Variants in DRD2 observed in about 807,000 individuals in gnomAD.
DRD2 encodes dopamine receptor D2, also known as D(2) dopamine receptor.
In DRD2, 8 loss-of-function variants were observed where a neutral mutation model predicts 38.0. The observed-to-expected ratio is 0.21, with a 90% confidence interval of 0.12 to 0.38. DRD2 has a LOEUF of 0.38. DRD2 is among the 10% of genes least tolerant of loss of function. The probability of loss-of-function intolerance (pLI) is 1.00; values close to 1 mark genes in which losing one functional copy is unlikely to be tolerated. For missense variants in DRD2, 403 were observed against 607.7 expected, an observed-to-expected ratio of 0.66 and a Z score of 3.54; for synonymous variants, 230 against 238.6, an observed-to-expected ratio of 0.96 and a Z score of 0.33.
intron 1 of DRD2, among the ~76,000 whole-genome samples, chr11:113,463,941 T>A (rs748983618): frequency 1.3e-5 from 2 of 152,120 alleles, no homozygotes; most frequent in African/African-American, 2.4e-5. Context: ...GTTAACCTTA[T>A]AAGTTAAGGG....
intron 1 of DRD2, among the ~76,000 whole-genome samples, chr11:113,446,693 C>T (rs529346478): frequency 6.6e-6 from 1 of 152,328 alleles, no homozygotes; most frequent in South Asian, 2.1e-4. Flanking sequence ...TGCTAAGCCT[C>T]ATAATAATCC....
intron 1 of DRD2, among the ~76,000 whole-genome samples, chr11:113,472,519 C>G (rs1270919007): frequency 6.6e-6 from 1 of 152,158 alleles, no homozygotes; most frequent in African/African-American, 2.4e-5. Flanking sequence ...AGAAATAATC[C>G]ACCTTTGTAG....
At position 113,417,146 on chromosome 11, in the gene DRD2, T is replaced by A. The variant is rs1363395640; in HGVS notation, c.396-147A>T. The A allele has an allele frequency of 5.1e-6, 6 of 1,179,164 alleles. No homozygotes were observed. In the East Asian group the frequency reaches 1.6e-4, roughly 30 times the overall value. 73.0% of individuals were successfully genotyped at this position (1,179,164 alleles called of 1,614,324 possible). On this transcript the variant is annotated intron_variant, in intron 3 of 7. Transcript: ENST00000362072. ...CTTGCCTGAGATGCTAACTCAACCC[T>A]CCCTCCTGTCCCCAAACTCAGATGG...
intron 1 of DRD2, among the ~76,000 whole-genome samples, chr11:113,452,743 G>A (rs536084435): frequency 4.0e-4 from 61 of 151,430 alleles, no homozygotes; most frequent in Admixed American, 9.9e-4. Context: ...CTCCTCCTGG[G>A]TTCAAGCAAT....
At chr11:113,456,161 G>A (rs1237632504) in intron 1 of DRD2, among the ~76,000 whole-genome samples, 5 of 152,170 alleles carry the variant, frequency 3.3e-5, no homozygotes, top group Admixed American at 2.0e-4. Flanking sequence ...GAATCTAGGG[G>A]ACATTACACT....
intron 1 of DRD2, among the ~76,000 whole-genome samples, chr11:113,469,193 G>A (rs1177071970): frequency 2.0e-5 from 3 of 151,866 alleles, no homozygotes; most frequent in Non-Finnish European, 4.4e-5. Context: ...TGCTCCTGCC[G>A]CCCTCCCTCC....
intron 1 of DRD2, among the ~76,000 whole-genome samples, chr11:113,466,743 A>C (rs2119989301): frequency 6.6e-6 from 1 of 152,246 alleles, no homozygotes; most frequent in African/African-American, 2.4e-5. Flanking sequence ...TTATCCACTC[A>C]CCCACTCTCA....
chr11:113,448,743 T>C (rs149550442), intron 1 of DRD2, among the ~76,000 whole-genome samples: 8 of 151,924 alleles, frequency 5.3e-5, no homozygotes, highest in Non-Finnish European at 1.0e-4. Context: ...TTCCCTAGAG[T>C]GGAAAGGATT....
chr11:113,418,161 T>A, intron 2 of DRD2, 25 bp from the exon 3 acceptor site: 1 of 1,589,672 alleles, frequency 6.3e-7, no homozygotes, highest in Non-Finnish European at 8.6e-7. Flanking sequence ...ACATAATGGA[T>A]GGACAGCAGG....
At chr11:113,467,225 G>C (rs540073907) in intron 1 of DRD2, among the ~76,000 whole-genome samples, 90 of 152,304 alleles carry the variant, frequency 5.9e-4, no homozygotes, top group African/African-American at 2.1e-3. Flanking sequence ...TACCTACAGT[G>C]CCTTCTGAAA....
At chr11:113,420,306 T>A (rs974465744) in intron 2 of DRD2, among the ~76,000 whole-genome samples, 2 of 152,214 alleles carry the variant, frequency 1.3e-5, no homozygotes, top group African/African-American at 4.8e-5. Flanking sequence ...TGTGAGCAAT[T>A]CAGACACAGT....
intron 6 of DRD2, 68 bp downstream of exon 6, chr11:113,414,307 A>C (rs1401955645): frequency 2.0e-6 from 3 of 1,474,382 alleles, no homozygotes; most frequent in Non-Finnish European, 2.8e-6. Flanking sequence ...GAGGTCTCAG[A>C]ACCATGGCCA....
At chr11:113,471,910 C>A (rs948257208) in intron 1 of DRD2, among the ~76,000 whole-genome samples, 1 of 152,168 alleles carries the variant, frequency 6.6e-6, no homozygotes, top group Non-Finnish European at 1.5e-5. Context: ...AAGACCTCAA[C>A]TCTTAGGTAA....
intron 1 of DRD2, among the ~76,000 whole-genome samples, chr11:113,467,017 G>A (rs1591304974): frequency 1.3e-5 from 2 of 152,166 alleles, no homozygotes; most frequent in African/African-American, 2.4e-5. Context: ...AAGAAAAATA[G>A]TGTGTGGAAA....
At chr11:113,443,431 C>T (rs558696280) in intron 1 of DRD2, among the ~76,000 whole-genome samples, 11 of 152,278 alleles carry the variant, frequency 7.2e-5, no homozygotes, top group African/African-American at 2.2e-4. Context: ...CACAGTGTGG[C>T]GCTCAGCAAG....
Position 113,410,384 on chromosome 11 carries a change from T to G in DRD2, c.*343A>C, listed in dbSNP as rs111514221. On this transcript the variant is annotated 3_prime_UTR_variant, in exon 8 of 8. Transcript: ENST00000362072. ...TCAGCCTCTGGGCCCTGACTCAGGC[T>G]CCAGCAACCCTAGAGCCCCAGAGGA... 155 of 465,148 alleles carry G rather than the reference T, an allele frequency of 3.3e-4. No individual in the cohort carries two copies. The highest frequency in any genetic ancestry group is 2.5e-3 in the African/African-American group (129 of 50,818). 28.8% of individuals were successfully genotyped at this position (465,148 alleles called of 1,614,324 possible).
At chr11:113,435,642 C>G (rs1360218587) in intron 1 of DRD2, among the ~76,000 whole-genome samples, 3 of 147,926 alleles carry the variant, frequency 2.0e-5, no homozygotes, top group African/African-American at 5.0e-5. Context: ...CCCGCCCCCC[C>G]ACTTTCCCTT....
intron 6 of DRD2, chr11:113,413,841 C>T (rs529989059): frequency 1.1e-3 from 250 of 221,282 alleles, no homozygotes; most frequent in Non-Finnish European, 9.7e-4. Flanking sequence ...TGCTCCGCCA[C>T]CAGTCCCCGC....
chr11:113,441,014 G>A (rs182045201), intron 1 of DRD2, among the ~76,000 whole-genome samples: 80 of 152,328 alleles, frequency 5.3e-4, no homozygotes, highest in Admixed American at 1.0e-3. Context: ...TAATGAGGCT[G>A]TGACAGCTCC....
Sources: allele counts gnomAD v4.1 joint callset (sites outside exome capture counted in the v4.1 genomes callset), GRCh38; gene constraint gnomAD v4.1.1; transcripts MANE v1.5; gene names NCBI Gene and HGNC (gene_info 2026-07-23, HGNC 2026-07-21).